The following SF3B4 variants were observed in gnomAD, a reference collection of about 807,000 sequenced individuals.
The protein encoded by SF3B4 is splicing factor 3b subunit 4, also known as SAP 49.
A neutral mutation model predicts 34.3 loss-of-function variants in SF3B4; 3 were observed. The ratio of observed to expected loss-of-function variants is 0.09; its 90% confidence interval spans 0.04 to 0.23. The LOEUF is 0.23. Ranked by LOEUF, SF3B4 falls within the 10% of genes least tolerant of loss-of-function variation. The pLI is 1.00. For missense variants in SF3B4, 283 were observed against 567.2 expected (o/e 0.50, Z 5.09); for synonymous variants, 216 against 207.8 (o/e 1.04, Z -0.34).
intron 4 of SF3B4, among the ~76,000 whole-genome samples, chr1:149,924,724 G>T (rs2092578965): frequency 6.6e-6 from 1 of 152,194 alleles, no homozygotes; most frequent in African/African-American, 2.4e-5. Flanking sequence ...TGGGAAGAAA[G>T]CATCCAAGCA....
rs2092589578 is a variant in SF3B4 at position 149,926,247 on chromosome 1, ACCC to A, written c.706+126_706+128del. 1 of 842,488 alleles carries A rather than the reference ACCC, an allele frequency of 1.2e-6. No individual in the cohort carries two copies. The highest frequency in any genetic ancestry group is 3.0e-5 in the Admixed American group (1 of 33,766). The allele number at this position is 842,488 out of a possible 1,614,324, so 52.2% of individuals were successfully genotyped here. A position where few individuals can be genotyped will look rare whatever the true frequency, so the allele number is the denominator to read the frequency against. On this transcript the variant is annotated intron_variant, in intron 3 of 5. Transcript: ENST00000271628. The surrounding 1 kb of genome is among the most constrained non-coding windows in gnomAD (Gnocchi z 6.2). ...AACTTTCTTCTTCACCACTACCATCACCCCTCAGTCCTCTTCCCATCAACTCAC... is the reference window on the plus strand; with the variant it reads ...AACTTTCTTCTTCACCACTACCATCACTCAGTCCTCTTCCCATCAACTCAC...
chr1:149,926,563 G>A lies in SF3B4; in HGVS notation c.519C>T (p.Thr173=), dbSNP rs143105666. The change falls in exon 3 of 6, where the codon ACC becomes ACT. Residue 173 remains threonine, a synonymous_variant. Coordinates refer to ENST00000271628, the MANE Select transcript of SF3B4 (RefSeq NM_005850.5). The surrounding 1 kb of genome is among the most constrained non-coding windows in gnomAD (Gnocchi z 6.2). ...AGTCCTTCTTGAAGGCATAAGATACGGTGATAGGACGGTTACAGAGGTACT... is the reference window on the plus strand; with the variant it reads ...AGTCCTTCTTGAAGGCATAAGATACAGTGATAGGACGGTTACAGAGGTACT... The part of the protein sequence containing the change: ...NGQYLCNRPI[T]VSYAFKKDSK... 65 of 1,614,200 alleles carry A rather than the reference G, an allele frequency of 4.0e-5. No homozygotes were observed. The highest frequency in any genetic ancestry group is 3.8e-4 in the East Asian group (17 of 44,884).
intron 4 of SF3B4, among the ~76,000 whole-genome samples, chr1:149,924,738 A>C (rs1275892531): frequency 2.6e-5 from 4 of 152,204 alleles, no homozygotes; most frequent in African/African-American, 9.6e-5. Context: ...CCAAGCAGAA[A>C]GATTACCATG....
At position 149,926,056 on chromosome 1, in the gene SF3B4, G is replaced by C; in HGVS notation, c.707-14C>G. 1 of 1,356,794 alleles carries C rather than the reference G, an allele frequency of 7.4e-7. No homozygotes were observed. The highest frequency in any genetic ancestry group is 2.4e-5 in the East Asian group (1 of 42,426). 84.0% of individuals were successfully genotyped at this position (1,356,794 alleles called of 1,614,324 possible). On this transcript the variant is annotated splice_polypyrimidine_tract_variant and intron_variant, in intron 3 of 5. Transcript: ENST00000271628. This position sits in a 1 kb window ranked among gnomAD's most constrained non-coding sequence, Gnocchi z 6.2. ...GAGGAGGCATGCCTATAGAGGAAAT[G>C]GAAAAAGGAAGAGTTAATGGTAGTG...
Position 149,926,845 on chromosome 1 carries a change from G to C in SF3B4, c.237C>G (p.Leu79=), listed in dbSNP as rs141832701. ...YAIKIMNMIK[L]YGKPIRVNKA... ...TGTTCACCCGTATTGGCTTCCCATA[G>C]AGTTTGATCATGTTCATGATCTTAA... The change falls in exon 3 of 6, where the codon CTC becomes CTG. Residue 79 remains leucine (L), a synonymous_variant. Coordinates refer to ENST00000271628, the MANE Select transcript of SF3B4 (RefSeq NM_005850.5). The surrounding 1 kb of genome is among the most constrained non-coding windows in gnomAD (Gnocchi z 6.2). 2 of 1,614,134 alleles carry C rather than the reference G, an allele frequency of 1.2e-6. No individual in the cohort carries two copies. The highest frequency in any genetic ancestry group is 4.5e-5 in the East Asian group (2 of 44,884).
At position 149,926,521 on chromosome 1, in the gene SF3B4, A is replaced by G. The variant is rs144518244; in HGVS notation, c.561T>C (p.His187=). 2.8e-4 allele frequency: 458 copies of G among 1,614,222 alleles called. 2 individuals carry two copies. In the African/African-American group the frequency reaches 5.7e-3, roughly 20 times the overall value. Residue 187 remains histidine, a synonymous_variant, in exon 3 of 6, where the codon CAT becomes CAC. Coordinates refer to ENST00000271628, the MANE Select transcript of SF3B4 (RefSeq NM_005850.5). This position sits in a 1 kb window ranked among gnomAD's most constrained non-coding sequence, Gnocchi z 6.2. ...AFKKDSKGER[H]GSAAERLLAA... is the part of the protein sequence containing the mutation. Reference sequence around the variant, plus strand: ...CCAGAAGTCGTTCGGCTGCTGAGCCATGGCGCTCACCCTTGGAGTCCTTCT... The same window carrying G: ...CCAGAAGTCGTTCGGCTGCTGAGCCGTGGCGCTCACCCTTGGAGTCCTTCT...
At chr1:149,923,817 G>A (rs1553765637) in intron 5 of SF3B4, 24 bp downstream of exon 5, 3 of 1,568,988 alleles carry the variant, frequency 1.9e-6, no homozygotes, top group Admixed American at 2.1e-5. Flanking sequence ...GTGCAGATGA[G>A]GGAGGTGGCT....
rs2092576370 is a variant in SF3B4, at chr1:149,924,408, G to A, written c.914-394C>T. 2.6e-5 allele frequency among the ~76,000 whole-genome samples: 4 copies of A among 152,138 alleles called. No homozygotes were observed. In the South Asian group the frequency reaches 8.3e-4, roughly 31 times the overall value. On this transcript the variant is annotated intron_variant, in intron 4 of 5. Coordinates refer to ENST00000271628, the MANE Select transcript of SF3B4 (RefSeq NM_005850.5). ...GCCAAAACTACGCCACTGCACTCCA[G>A]CCTGGATGACAGAGTGAGACCCCAT... is the stretch of plus-strand genomic sequence containing the variant.
At position 149,923,559 on chromosome 1, in the gene SF3B4, C is replaced by A; in HGVS notation, c.1258G>T (p.Gly420Cys). Residue 420 changes from glycine to cysteine, a missense_variant, in exon 6 of 6, where the codon GGC (glycine) becomes TGC (cysteine). Gly to Cys is a radical substitution (Grantham distance 159, BLOSUM62 -3). This residue lies in a region of SF3B4 where 208 missense variants were observed against 292.6 expected (regional missense o/e 0.71). Transcript: ENST00000271628. ...ATGTGAATTTACTGAGGGAGAGGGCCTCGAAGTGGGCCTCGAGGGGGAACT... is the reference window on the plus strand; with the variant it reads ...ATGTGAATTTACTGAGGGAGAGGGCATCGAAGTGGGCCTCGAGGGGGAACT... Reference protein sequence around the residue: ...PPVPPRGPLRGPLPQ With the variant: ...PPVPPRGPLRCPLPQ 6.4e-7 allele frequency: 1 copy of A among 1,567,106 alleles called. No homozygotes were observed. Among genetic ancestry groups the A allele is most frequent in the Admixed American group, 2.1e-5 (1 of 48,178 alleles).
At chr1:149,925,129 TG>T (rs1475945063) in intron 4 of SF3B4, among the ~76,000 whole-genome samples, 1 of 150,914 alleles carries the variant, frequency 6.6e-6, no homozygotes, top group Non-Finnish European at 1.5e-5. Context: ...GTATTAAGAG[TG>T]GGGTGATAGG....
intron 4 of SF3B4, among the ~76,000 whole-genome samples, chr1:149,924,393 C>T (rs587761681): frequency 2.2e-4 from 33 of 152,156 alleles, no homozygotes; most frequent in South Asian, 1.7e-3. Flanking sequence ...GCCAAAACTA[C>T]GCCACTGCAC....
Position 149,926,509 on chromosome 1 carries a change from G to C in SF3B4, c.573C>G (p.Ala191=), listed in dbSNP as rs140692705. 8.7e-6 allele frequency: 14 copies of C among 1,614,072 alleles called. No homozygotes were observed. Among genetic ancestry groups the C allele is most frequent in the Admixed American group, 3.3e-5 (2 of 60,006 alleles). The part of the protein sequence containing the change: ...DSKGERHGSA[A]ERLLAAQNPL... ...GGTTCTGAGCTGCCAGAAGTCGTTC[G>C]GCTGCTGAGCCATGGCGCTCACCCT... Residue 191 remains alanine (A), a synonymous_variant, in exon 3 of 6, where the codon GCC becomes GCG. Transcript: ENST00000271628. The surrounding 1 kb of genome is among the most constrained non-coding windows in gnomAD (Gnocchi z 6.2).
rs782214031 is a variant in SF3B4 at position 149,927,137 on chromosome 1, G to A, written c.163+29C>T. 6.8e-6 allele frequency: 11 copies of A among 1,611,182 alleles called. No homozygotes were observed. The South Asian group carries it at 1.1e-4, about 16-fold the overall frequency. On this transcript the variant is annotated intron_variant, in intron 2 of 5. Transcript: ENST00000271628. ...TGTGAATACTGCTGGGACCCTCCGG[G>A]AGCAATTCGCCCCTTGTCATGTACT...
At position 149,926,537 on chromosome 1, in the gene SF3B4, G is replaced by A; in HGVS notation, c.545C>T (p.Ser182Phe). ...ITVSYAFKKD[S>F]KGERHGSAAE... ...TGCTGAGCCATGGCGCTCACCCTTG[G>A]AGTCCTTCTTGAAGGCATAAGATAC... The change falls in exon 3 of 6, where the codon TCC (serine) becomes TTC (phenylalanine). Residue 182 changes from serine to phenylalanine, a missense_variant. Coordinates refer to ENST00000271628, the MANE Select transcript of SF3B4 (RefSeq NM_005850.5). This position sits in a 1 kb window ranked among gnomAD's most constrained non-coding sequence, Gnocchi z 6.2. The A allele has an allele frequency of 6.2e-7, 1 of 1,614,196 alleles. No individual in the cohort carries two copies. The highest frequency in any genetic ancestry group is 1.3e-5 in the African/African-American group (1 of 75,028).
At position 149,927,059 on chromosome 1, in the gene SF3B4, G is replaced by C. The variant is rs16836630; in HGVS notation, c.163+107C>G. Reference sequence around the variant, plus strand: ...AGAATGGTTCCAGAAATAAACTGAAGAGAGGCTTAAAAGAAAAAAATCTTT... The same window carrying C: ...AGAATGGTTCCAGAAATAAACTGAACAGAGGCTTAAAAGAAAAAAATCTTT... On this transcript the variant is annotated intron_variant, in intron 2 of 5. Transcript: ENST00000271628. The C allele has an allele frequency of 0.073, 109,848 of 1,498,052 alleles. 4,795 individuals carry two copies. The highest frequency in any genetic ancestry group is 0.17 in the African/African-American group (12,044 of 71,558). 92.8% of individuals were successfully genotyped at this position (1,498,052 alleles called of 1,614,324 possible).
In SF3B4 at chr1:149,926,481, G is replaced by A. The variant is rs144275933; in HGVS notation, c.601C>T (p.Leu201Phe). The change falls in exon 3 of 6, where the codon CTC (leucine) becomes TTC (phenylalanine). Residue 201 changes from leucine (L) to phenylalanine (F), a missense_variant. Physicochemically the swap from Leu to Phe is conservative, Grantham distance 22. Coordinates refer to ENST00000271628, the MANE Select transcript of SF3B4 (RefSeq NM_005850.5). This position sits in a 1 kb window ranked among gnomAD's most constrained non-coding sequence, Gnocchi z 6.2. ...TGATGAGGGCGATCAGCCTGGGAGAGCGGGTTCTGAGCTGCCAGAAGTCGT... is the reference window on the plus strand; with the variant it reads ...TGATGAGGGCGATCAGCCTGGGAGAACGGGTTCTGAGCTGCCAGAAGTCGT... ...AERLLAAQNPLSQADRPHQLF... is the reference protein window; with the variant it reads ...AERLLAAQNPFSQADRPHQLF... The A allele has an allele frequency of 4.9e-5, 79 of 1,614,208 alleles. No homozygotes were observed. The African/African-American group carries it at 7.9e-4, about 16-fold the overall frequency.
chr1:149,927,395 C>A lies in SF3B4; in HGVS notation c.35-101G>T, dbSNP rs112658154. On this transcript the variant is annotated intron_variant, in intron 1 of 5. Coordinates refer to ENST00000271628, the MANE Select transcript of SF3B4 (RefSeq NM_005850.5). ...GAACCCAACCAGGGGAACTGGGGAC[C>A]GCGGTAGGGGACAGGAGCAAAAAAA... The A allele has an allele frequency of 1.8e-4, 265 of 1,444,768 alleles. 1 individual carries two copies. In the Middle Eastern group the frequency reaches 2.7e-3, roughly 14 times the overall value. The allele number at this position is 1,444,768 out of a possible 1,614,324, so 89.5% of individuals were successfully genotyped here.
chr1:149,925,687 G>A (rs782390909), intron 4 of SF3B4, 149 bp downstream of exon 4: 4 of 730,198 alleles, frequency 5.5e-6, no homozygotes, highest in Admixed American at 2.0e-5. Flanking sequence ...AGATGTTAGA[G>A]AGCATTTTGT....
chr1:149,926,318 TTCC>T lies in SF3B4; in HGVS notation c.706+55_706+57del. On this transcript the variant is annotated intron_variant, in intron 3 of 5. Coordinates refer to ENST00000271628, the MANE Select transcript of SF3B4 (RefSeq NM_005850.5). The surrounding 1 kb of genome is among the most constrained non-coding windows in gnomAD (Gnocchi z 6.2). ...TCCCCCTTTCAGACTTGTTTTCTTC[TTCC>T]TCCTGACCCTCTCCCCCAACCTTAA... 1 of 1,473,734 alleles carries T rather than the reference TTCC, an allele frequency of 6.8e-7. No individual in the cohort carries two copies. The highest frequency in any genetic ancestry group is 1.4e-5 in the African/African-American group (1 of 71,148). 91.3% of individuals were successfully genotyped at this position (1,473,734 alleles called of 1,614,324 possible). A position where few individuals can be genotyped will look rare whatever the true frequency, so the allele number is the denominator to read the frequency against.
Sources: allele counts gnomAD v4.1 joint callset (sites outside exome capture counted in the v4.1 genomes callset), GRCh38; gene constraint gnomAD v4.1.1; regional missense constraint gnomAD v4.1.1; non-coding constraint Gnocchi (gnomAD v3.1); transcripts MANE v1.5; gene names NCBI Gene and HGNC (gene_info 2026-07-23, HGNC 2026-07-21).